Variants in SPAG9 observed in about 807,000 individuals in gnomAD.
The protein encoded by SPAG9 is sperm associated antigen 9, also known as C-Jun-amino-terminal kinase-interacting protein 4.
In SPAG9, 35 loss-of-function variants were observed where a neutral mutation model predicts 166.5. That is an observed-to-expected ratio of 0.21 (90% CI 0.16 to 0.28). SPAG9 has a LOEUF of 0.28. Among genes scored for constraint, SPAG9 ranks in the 10% least tolerant of loss-of-function variants. SPAG9 has a pLI of 1.00. For missense variants in SPAG9, 1,235 were observed against 1,603.3 expected (o/e 0.77, Z 3.92); for synonymous variants, 534 against 565.5 (o/e 0.94, Z 0.79).
chr17:51,076,898 T>C (rs1289096526), intron 2 of SPAG9, among the ~76,000 whole-genome samples: 1 of 151,940 alleles, frequency 6.6e-6, no homozygotes, highest in Non-Finnish European at 1.5e-5. Context: ...TAGTGGCTCA[T>C]GTCTGAAATC....
intron 9 of SPAG9, chr17:51,009,031 T>C: frequency 5.4e-6 from 2 of 372,032 alleles, no homozygotes; most frequent in Admixed American, 3.7e-5. Context: ...AAAAAATAGT[T>C]GAGCAGAAAA....
chr17:51,026,114 T>C (rs1457346217), intron 6 of SPAG9, among the ~76,000 whole-genome samples: 2 of 152,032 alleles, frequency 1.3e-5, no homozygotes, highest in African/African-American at 2.4e-5. Flanking sequence ...TATAGAGAAA[T>C]TATTTCTTCT....
rs1030625748 is a variant in SPAG9, at chr17:50,963,985, C to A, written c.*2287G>T. On this transcript the variant is annotated 3_prime_UTR_variant, in exon 30 of 30. Coordinates refer to ENST00000262013, the MANE Select transcript of SPAG9 (RefSeq NM_001130528.3). ...AACAGTTTTAATACATGAGTGGCTACAATTTTATTGTGTACACAATGTGCT... is the reference window on the plus strand; with the variant it reads ...AACAGTTTTAATACATGAGTGGCTAAAATTTTATTGTGTACACAATGTGCT... 1 of 152,176 alleles carries A rather than the reference C, an allele frequency of 6.6e-6. No homozygotes were observed. Among genetic ancestry groups the A allele is most frequent in the Non-Finnish European group, 1.5e-5 (1 of 68,040 alleles). The allele number at this position is 152,176 out of a possible 1,614,324, so 9.4% of individuals were successfully genotyped here.
chr17:51,114,470 A>G (rs1310621253), intron 1 of SPAG9, among the ~76,000 whole-genome samples: 1 of 151,924 alleles, frequency 6.6e-6, no homozygotes, highest in Non-Finnish European at 1.5e-5. Context: ...TCTCTACTAA[A>G]AATACAAAAA....
intron 1 of SPAG9, among the ~76,000 whole-genome samples, chr17:51,111,902 G>A (rs986682643): frequency 7.2e-5 from 11 of 151,798 alleles, no homozygotes; most frequent in South Asian, 2.1e-4. Context: ...CATGCGTAGC[G>A]TTCTTTTGTG....
chr17:51,005,095 T>G, intron 12 of SPAG9, 117 bp downstream of exon 12: 1 of 832,288 alleles, frequency 1.2e-6, no homozygotes, highest in Non-Finnish European at 1.9e-6. Flanking sequence ...ACCATAAACA[T>G]GTCTCCTGAC....
chr17:51,035,780 TA>T (rs2046562742), intron 5 of SPAG9, among the ~76,000 whole-genome samples: 1 of 152,238 alleles, frequency 6.6e-6, no homozygotes, highest in Non-Finnish European at 1.5e-5. Context: ...TTTAGTTAGT[TA>T]AAATTGCTTT....
chr17:50,984,718 TG>T (rs144722902), intron 24 of SPAG9, among the ~76,000 whole-genome samples: 1,865 of 152,250 alleles, frequency 0.012, 39 homozygotes, highest in African/African-American at 0.042. Flanking sequence ...CACCATAAAA[TG>T]CCCATTGTGG....
At chr17:51,115,890 C>T (rs1437574423) in intron 1 of SPAG9, among the ~76,000 whole-genome samples, 2 of 152,018 alleles carry the variant, frequency 1.3e-5, no homozygotes, top group Non-Finnish European at 2.9e-5. Context: ...AATGCCTCTT[C>T]GTTTTTATGT....
chr17:51,046,281 A>G (rs1244852901), intron 4 of SPAG9, among the ~76,000 whole-genome samples: 1 of 152,174 alleles, frequency 6.6e-6, no homozygotes, highest in Non-Finnish European at 1.5e-5. Context: ...GTGTAAGTAC[A>G]ATATGAAAAT....
intron 1 of SPAG9, among the ~76,000 whole-genome samples, chr17:51,088,207 G>A (rs941970988): frequency 3.9e-5 from 6 of 152,152 alleles, no homozygotes; most frequent in African/African-American, 1.4e-4. Context: ...TAAGAGACTA[G>A]GAAAAAGCTG....
At chr17:50,990,981 A>G (rs1362727243) in intron 19 of SPAG9, among the ~76,000 whole-genome samples, 1 of 149,632 alleles carries the variant, frequency 6.7e-6, no homozygotes, top group African/African-American at 2.5e-5. Context: ...GATTCAGCTC[A>G]CTGCAACCTC....
At chr17:51,001,585 TAA>T in intron 13 of SPAG9, 128 bp downstream of exon 13, 1 of 846,604 alleles carries the variant, frequency 1.2e-6, no homozygotes, top group Non-Finnish European at 1.7e-6. Flanking sequence ...AGTGTTACTT[TAA>T]AAAGTCTCTC....
intron 2 of SPAG9, among the ~76,000 whole-genome samples, chr17:51,073,221 G>A (rs1193856441): frequency 6.6e-6 from 1 of 152,024 alleles, no homozygotes; most frequent in African/African-American, 2.4e-5. Flanking sequence ...CCAGCTACTC[G>A]GGAGGCTGAG....
At chr17:51,067,706 A>G (rs1031926265) in intron 2 of SPAG9, among the ~76,000 whole-genome samples, 12 of 151,830 alleles carry the variant, frequency 7.9e-5, no homozygotes, top group African/African-American at 2.9e-4. Flanking sequence ...TTTTCTGGGG[A>G]GTAAAAAAAA....
Position 51,079,572 on chromosome 17 carries a change from T to C in SPAG9, c.424+12A>G. 1 of 1,611,084 alleles carries C rather than the reference T, an allele frequency of 6.2e-7. No individual in the cohort carries two copies. The highest frequency in any genetic ancestry group is 1.1e-5 in the South Asian group (1 of 90,626). On this transcript the variant is annotated intron_variant, in intron 2 of 29. Transcript: ENST00000262013. ...TCTTTAGTGTACTTATGAGAAGAAA[T>C]GTTTTACTTACTCTGGTCAGCATAG...
chr17:51,100,438 C>CTACAAAAAT (rs1202678348), intron 1 of SPAG9, among the ~76,000 whole-genome samples: 2 of 152,202 alleles, frequency 1.3e-5, no homozygotes, highest in East Asian at 1.9e-4. Flanking sequence ...GATCCTGTCT[C>CTACAAAAAT]TACAAAAATT....
intron 24 of SPAG9, among the ~76,000 whole-genome samples, chr17:50,983,456 T>G (rs1265060694): frequency 2.0e-5 from 3 of 152,232 alleles, no homozygotes; most frequent in African/African-American, 7.2e-5. Flanking sequence ...TTGAATATGC[T>G]GTCTTTATCT....
rs1259054035 is a variant in SPAG9, at chr17:50,999,547, A to T, written c.1664+114T>A. ...GCTACTTAACCATTACCCCTAGTTT[A>T]AAAAAAAAAAATGAAGGAAAGAAAA... On this transcript the variant is annotated intron_variant, in intron 14 of 29. Transcript: ENST00000262013. The T allele has an allele frequency of 6.7e-5, 17 of 254,524 alleles. No individual in the cohort carries two copies. The highest frequency in any genetic ancestry group is 9.1e-5 in the Non-Finnish European group (15 of 164,570). 15.8% of individuals were successfully genotyped at this position (254,524 alleles called of 1,614,324 possible).
Sources: gnomAD v4.1 joint callset for allele counts (sites outside exome capture counted in the v4.1 genomes callset) on GRCh38, gnomAD v4.1.1 for gene constraint, MANE v1.5 for transcripts, NCBI Gene and HGNC (gene_info 2026-07-23, HGNC 2026-07-21) for gene names.